The following FRMD6 variants were observed in gnomAD, a reference collection of about 807,000 sequenced individuals.
FRMD6 encodes the protein FERM domain containing 6, also known as FERM domain-containing protein 6.
Under a neutral mutation model 73.2 loss-of-function variants are expected in FRMD6, and 37 were observed. The observed-to-expected ratio is 0.51, with a 90% confidence interval of 0.39 to 0.66. The LOEUF (loss-of-function observed/expected upper bound fraction) is 0.66, where lower values mean the gene tolerates loss of function less well. Among genes scored for constraint, FRMD6 ranks in the 30% least tolerant of loss-of-function variants. The probability of loss-of-function intolerance (pLI) is 0.00; values close to 1 mark genes in which losing one functional copy is unlikely to be tolerated. For missense variants in FRMD6, 714 were observed against 780.5 expected, an observed-to-expected ratio of 0.91 and a Z score of 1.02; for synonymous variants, 273 against 282.2, an observed-to-expected ratio of 0.97 and a Z score of 0.33.
At chr14:51,494,895 A>G (rs1024855262) in intron 1 of FRMD6, among the ~76,000 whole-genome samples, 8 of 152,212 alleles carry the variant, frequency 5.3e-5, no homozygotes, top group African/African-American at 1.4e-4. Context: ...TCATTTGGCC[A>G]CACTCTTGAT....
rs1473014713 is a variant in FRMD6, at chr14:51,527,643, A to G, written c.-210+38223A>G. Among the ~76,000 whole-genome samples the G allele has an allele frequency of 5.3e-5, 8 of 152,214 alleles. No individual in the cohort carries two copies. The East Asian group carries it at 1.5e-3, about 29-fold the overall frequency. On this transcript the variant is annotated intron_variant, in intron 1 of 14. Transcript: ENST00000356218. ...TATGAAAACCCCTGCAAAATATGTC[A>G]GAGTTGCTTTATGCTCAGCAGCTTC...
chr14:51,722,429 G>A (rs1214324858), intron 12 of FRMD6, among the ~76,000 whole-genome samples: 2 of 152,204 alleles, frequency 1.3e-5, no homozygotes, highest in African/African-American at 4.8e-5. Context: ...TTACAGATAA[G>A]TTAACCTATA....
chr14:51,482,674 C>CTGTG, the FRMD6 span, among the ~76,000 whole-genome samples: 2 of 148,736 alleles, frequency 1.3e-5, no homozygotes, highest in African/African-American at 2.5e-5. Flanking sequence ...TTTGCAGGAA[C>CTGTG]TGTGTGTGTG....
intron 2 of FRMD6, among the ~76,000 whole-genome samples, chr14:51,612,823 C>G (rs554839966): frequency 6.6e-6 from 1 of 152,256 alleles, no homozygotes; most frequent in Admixed American, 6.5e-5. Flanking sequence ...CACTAGGCAG[C>G]AAGGACAAAA....
the FRMD6 span, among the ~76,000 whole-genome samples, chr14:51,398,062 A>G: frequency 6.6e-6 from 1 of 152,232 alleles, no homozygotes; most frequent in Non-Finnish European, 1.5e-5. Flanking sequence ...TTTGGTCTCT[A>G]GAACCAAAAG....
the FRMD6 span, among the ~76,000 whole-genome samples, chr14:51,459,593 C>T: frequency 6.6e-6 from 1 of 151,812 alleles, no homozygotes; most frequent in African/African-American, 2.4e-5. Context: ...TTTGAGAGGC[C>T]GAGGTGGGCG....
At chr14:51,401,697 G>A in the FRMD6 span, among the ~76,000 whole-genome samples, 1 of 150,886 alleles carries the variant, frequency 6.6e-6, no homozygotes, top group Admixed American at 6.6e-5. Flanking sequence ...GGCTCGAATG[G>A]GACGCTGACA....
In FRMD6 at chr14:51,661,775, CTTAT is replaced by C. The variant is rs1893233928; in HGVS notation, c.-147+9781_-147+9784del. On this transcript the variant is annotated intron_variant, in intron 1 of 13. Coordinates refer to ENST00000344768, the MANE Select transcript of FRMD6 (RefSeq NM_001267046.2). ...TCACTGGAGAAGTGGAGATGAAAAC[CTTAT>C]TGGAGTGGGTTCAAAGAGAATAAAA... Among the ~76,000 whole-genome samples, 7 of 152,234 alleles carry C rather than the reference CTTAT, an allele frequency of 4.6e-5. No homozygotes were observed. The South Asian group carries it at 1.5e-3, about 32-fold the overall frequency.
At chr14:51,480,679 G>A in the FRMD6 span, among the ~76,000 whole-genome samples, 27 of 152,106 alleles carry the variant, frequency 1.8e-4, no homozygotes, top group African/African-American at 6.5e-4. Context: ...TCTAGCTGAT[G>A]TCTCTGAGTG....
intron 1 of FRMD6, among the ~76,000 whole-genome samples, chr14:51,497,233 A>ACTT (rs1883353577): frequency 7.0e-6 from 1 of 143,556 alleles, no homozygotes; most frequent in African/African-American, 2.6e-5. Flanking sequence ...TTCTGAAATA[A>ACTT]CTTTTTTTTT....
the FRMD6 span, among the ~76,000 whole-genome samples, chr14:51,413,744 A>C: frequency 6.6e-6 from 1 of 152,242 alleles, no homozygotes; most frequent in African/African-American, 2.4e-5. Flanking sequence ...ACTGTCTTCC[A>C]CAATGGTTGA....
intron 2 of FRMD6, among the ~76,000 whole-genome samples, chr14:51,602,693 C>T (rs1284199320): frequency 6.6e-6 from 1 of 152,152 alleles, no homozygotes; most frequent in Non-Finnish European, 1.5e-5. Flanking sequence ...ACAAGAAAAG[C>T]CTGTCAACTA....
At chr14:51,634,831 G>GT (rs1215192121) in intron 2 of FRMD6, among the ~76,000 whole-genome samples, 3 of 152,204 alleles carry the variant, frequency 2.0e-5, no homozygotes, top group Non-Finnish European at 1.5e-5. Context: ...TCAAGCTTCA[G>GT]TTTTTTCATC....
intron 2 of FRMD6, among the ~76,000 whole-genome samples, chr14:51,589,654 G>A (rs140391942): frequency 1.3e-5 from 2 of 151,832 alleles, no homozygotes; most frequent in African/African-American, 4.9e-5. Flanking sequence ...ATTGGGGACA[G>A]GAAGTAGCTC....
At chr14:51,632,159 T>TGAA (rs376404555) in intron 2 of FRMD6, among the ~76,000 whole-genome samples, 123 of 152,190 alleles carry the variant, frequency 8.1e-4, no homozygotes, top group African/African-American at 2.8e-3. Flanking sequence ...TGCCACCCTG[T>TGAA]GAAGAAGGAT....
chr14:51,670,099 A>T (rs747681145), intron 1 of FRMD6, among the ~76,000 whole-genome samples: 1 of 152,018 alleles, frequency 6.6e-6, no homozygotes, highest in Non-Finnish European at 1.5e-5. Flanking sequence ...TTTTTTAGAG[A>T]CAAGTCTCAC....
chr14:51,527,883 A>G (rs1017975500), intron 1 of FRMD6, among the ~76,000 whole-genome samples: 2 of 152,174 alleles, frequency 1.3e-5, no homozygotes, highest in Non-Finnish European at 2.9e-5. Context: ...GGACTCCTTC[A>G]GTGAGGCTCA....
At chr14:51,660,697 A>AT (rs1893159877) in intron 1 of FRMD6, among the ~76,000 whole-genome samples, 1 of 151,582 alleles carries the variant, frequency 6.6e-6, no homozygotes, top group Non-Finnish European at 1.5e-5. Context: ...GTGTTGTAGT[A>AT]TTTTGGAAGG....
the FRMD6 span, among the ~76,000 whole-genome samples, chr14:51,401,479 A>T: frequency 6.6e-6 from 1 of 152,328 alleles, no homozygotes; most frequent in Admixed American, 6.5e-5. Flanking sequence ...CTTGGGCAGC[A>T]GTCTGAAATG....
Sources: allele counts gnomAD v4.1 joint callset (sites outside exome capture counted in the v4.1 genomes callset), GRCh38; gene constraint gnomAD v4.1.1; transcripts MANE v1.5; gene names NCBI Gene and HGNC (gene_info 2026-07-23, HGNC 2026-07-21).